GRIA1: variants seen among roughly 807,000 people sequenced by gnomAD.
GRIA1 encodes glutamate receptor 1.
GRIA1 carries 31 observed loss-of-function variants against 99.2 expected under a neutral mutation model. The ratio of observed to expected loss-of-function variants is 0.31; its 90% CI spans 0.23 to 0.42. The LOEUF is 0.42. Ranked by LOEUF, GRIA1 falls within the 10% of genes least tolerant of loss-of-function variation. The probability of loss-of-function intolerance (pLI) is 1.00; values close to 1 mark genes in which losing one functional copy is unlikely to be tolerated. For synonymous variants in GRIA1, 438 were observed against 432.4 expected (o/e 1.01, Z -0.16); for missense variants, 782 against 1,157.5 (o/e 0.68, Z 4.71).
intron 11 of GRIA1, among the ~76,000 whole-genome samples, chr5:153,726,204 C>T (rs994657965): frequency 2.0e-5 from 3 of 150,640 alleles, no homozygotes; most frequent in Admixed American, 6.6e-5. Flanking sequence ...AGAACAAAGA[C>T]ACAACATACC....
chr5:153,774,017 A>T (rs980506892), intron 13 of GRIA1, among the ~76,000 whole-genome samples: 2 of 152,010 alleles, frequency 1.3e-5, no homozygotes, highest in African/African-American at 2.4e-5. Context: ...CACACCATTA[A>T]AGAATGGTTG....
At chr5:153,792,879 T>C (rs1377894572) in intron 13 of GRIA1, among the ~76,000 whole-genome samples, 1 of 152,174 alleles carries the variant, frequency 6.6e-6, no homozygotes, top group Non-Finnish European at 1.5e-5. Flanking sequence ...GGAAATTGCT[T>C]TCCCAGCTTG....
chr5:153,754,761 C>T (rs1762714962), intron 11 of GRIA1, among the ~76,000 whole-genome samples: 1 of 152,174 alleles, frequency 6.6e-6, no homozygotes, highest in South Asian at 2.1e-4. Flanking sequence ...GGTTATAAGA[C>T]AGACTATTTA....
intron 2 of GRIA1, among the ~76,000 whole-genome samples, chr5:153,622,549 C>G (rs1029100386): frequency 2.6e-5 from 4 of 151,952 alleles, no homozygotes; most frequent in African/African-American, 9.7e-5. Flanking sequence ...TTTGCCATGC[C>G]TGGCAGCTTG....
At chr5:153,512,258 T>A (rs1479694831) in intron 2 of GRIA1, among the ~76,000 whole-genome samples, 2 of 152,120 alleles carry the variant, frequency 1.3e-5, no homozygotes, top group Admixed American at 1.3e-4. Flanking sequence ...AGAGATTTGG[T>A]GACTGACCCC....
At chr5:153,665,634 A>G (rs1243182330) in intron 5 of GRIA1, among the ~76,000 whole-genome samples, 1 of 152,210 alleles carries the variant, frequency 6.6e-6, no homozygotes. Context: ...ATCCATATTC[A>G]TGCGCACATA....
chr5:153,603,639 G>A (rs914310213), intron 2 of GRIA1, among the ~76,000 whole-genome samples: 7 of 152,354 alleles, frequency 4.6e-5, no homozygotes, highest in South Asian at 2.1e-4. Context: ...CTCTGCTCTA[G>A]AAGATCTAGG....
chr5:153,576,981 G>A (rs1193960475), intron 2 of GRIA1, among the ~76,000 whole-genome samples: 72 of 115,104 alleles, frequency 6.3e-4, no homozygotes, highest in Admixed American at 1.7e-3. Context: ...TGGATGGATG[G>A]ATGGGTGAGT....
At chr5:153,575,731 C>A (rs994976661) in intron 2 of GRIA1, among the ~76,000 whole-genome samples, 1 of 152,182 alleles carries the variant, frequency 6.6e-6, no homozygotes, top group East Asian at 1.9e-4. Context: ...GACCCAAAGA[C>A]TTTCTGATGT....
chr5:153,505,757 A>T (rs991690234), intron 2 of GRIA1, among the ~76,000 whole-genome samples: 4 of 152,260 alleles, frequency 2.6e-5, no homozygotes, highest in African/African-American at 7.2e-5. Context: ...GCACTATTGT[A>T]GCTAGGAAGA....
At chr5:153,730,504 G>A (rs533740113) in intron 11 of GRIA1, among the ~76,000 whole-genome samples, 13 of 152,054 alleles carry the variant, frequency 8.5e-5, no homozygotes, top group African/African-American at 3.1e-4. Context: ...GAATAATGAT[G>A]GTCTGATGAA....
rs1444562856 is a variant in GRIA1, at chr5:153,683,050, CAAG to C, written c.1030-3168_1030-3166del. On this transcript the variant is annotated intron_variant, in intron 7 of 15. Coordinates refer to ENST00000285900, the MANE Select transcript of GRIA1 (RefSeq NM_000827.4). ...CGACAGAAGTTCCGGGAGCAGGAAC[CAAG>C]AAGAAGTGCCTGGGCTCCATCAATC... Among the ~76,000 whole-genome samples the C allele has an allele frequency of 1.1e-4, 16 of 152,268 alleles. No individual in the cohort carries two copies. In the East Asian group the frequency reaches 3.1e-3, roughly 29 times the overall value.
chr5:153,729,098 A>G (rs1165963435), intron 11 of GRIA1, among the ~76,000 whole-genome samples: 1 of 150,536 alleles, frequency 6.6e-6, no homozygotes, highest in East Asian at 2.0e-4. Flanking sequence ...CGTGGATGAA[A>G]TTGGAAATCA....
intron 2 of GRIA1, among the ~76,000 whole-genome samples, chr5:153,593,152 A>C (rs1764123423): frequency 1.3e-5 from 2 of 152,338 alleles, no homozygotes; most frequent in African/African-American, 4.8e-5. Context: ...CCGTAGTCGC[A>C]GCCACTCGGG....
chr5:153,697,929 C>T, intron 8 of GRIA1, 115 bp from the exon 9 acceptor site: 1 of 537,856 alleles, frequency 1.9e-6, no homozygotes, highest in Non-Finnish European at 3.4e-6. Context: ...TCGGTGTGTC[C>T]AATTCTTCAT....
At chr5:153,707,940 G>T (rs182452224) in intron 11 of GRIA1, among the ~76,000 whole-genome samples, 1 of 152,210 alleles carries the variant, frequency 6.6e-6, no homozygotes, top group African/African-American at 2.4e-5. Context: ...AATAAATCAG[G>T]CCCGTGGATA....
At chr5:153,502,355 T>C (rs1755081876) in intron 2 of GRIA1, among the ~76,000 whole-genome samples, 1 of 152,216 alleles carries the variant, frequency 6.6e-6, no homozygotes, top group African/African-American at 2.4e-5. Flanking sequence ...GCCTGAATCA[T>C]TGCTGCTTAG....
intron 2 of GRIA1, among the ~76,000 whole-genome samples, chr5:153,645,581 C>T (rs1754087519): frequency 6.6e-6 from 1 of 152,122 alleles, no homozygotes; most frequent in South Asian, 2.1e-4. Context: ...AAGTATGAAA[C>T]TCTAAAACAG....
At chr5:153,527,050 G>A (rs1439344964) in intron 2 of GRIA1, among the ~76,000 whole-genome samples, 2 of 152,164 alleles carry the variant, frequency 1.3e-5, no homozygotes, top group South Asian at 2.1e-4. Context: ...ATCCCCTAGT[G>A]TGTAAATAGT....
Sources: allele counts gnomAD v4.1 joint callset (sites outside exome capture counted in the v4.1 genomes callset), GRCh38; gene constraint gnomAD v4.1.1; transcripts MANE v1.5; gene names NCBI Gene and HGNC (gene_info 2026-07-23, HGNC 2026-07-21).